The following DOT1L variants were observed in gnomAD, a reference collection of about 807,000 sequenced individuals.
DOT1L encodes histone-lysine N-methyltransferase, H3 lysine-79 specific.
In DOT1L, 33 loss-of-function variants were observed where a neutral mutation model predicts 153.3. That is an observed-to-expected ratio of 0.22 (90% CI 0.16 to 0.29). DOT1L has a LOEUF of 0.29. DOT1L is among the 10% of genes least tolerant of loss of function. The pLI is 1.00. For missense variants in DOT1L, 1,847 were observed against 2,119.9 expected, an observed-to-expected ratio of 0.87 and a Z score of 2.53; for synonymous variants, 1,135 against 965.1, an observed-to-expected ratio of 1.18 and a Z score of -3.26.
In DOT1L at chr19:2,210,440, G is replaced by A; in HGVS notation, c.1046G>A (p.Ser349Asn). ...EAARRRQQRESKSNAATPTKG... is the reference protein window; with the variant it reads ...EAARRRQQRENKSNAATPTKG... ...GCCCGGCGCCGCCAGCAGCGCGAGA[G>A]CAAGAGCAACGCGGCCACGCCCACT... is the stretch of plus-strand genomic sequence containing the variant. The change falls in exon 13 of 28, where the codon AGC (serine) becomes AAC (asparagine). Residue 349 changes from serine (S) to asparagine (N), a missense_variant. Physicochemically the swap from Ser to Asn is conservative, Grantham distance 46. This residue lies in a region of DOT1L where 205 missense variants were observed against 203.1 expected (regional missense o/e 1.01). Transcript: ENST00000398665. The A allele has an allele frequency of 6.4e-7, 1 of 1,572,040 alleles. No individual in the cohort carries two copies. Among genetic ancestry groups the A allele is most frequent in the Non-Finnish European group, 8.6e-7 (1 of 1,162,476 alleles).
intron 27 of DOT1L, chr19:2,229,277 G>A (rs929452806): frequency 1.0e-6 from 1 of 985,472 alleles, no homozygotes; most frequent in Non-Finnish European, 1.2e-6. Context: ...GGGACATGGC[G>A]TGCCTGGCGG....
chr19:2,172,937 A>G (rs1364601514), intron 1 of DOT1L, among the ~76,000 whole-genome samples: 2 of 151,304 alleles, frequency 1.3e-5, no homozygotes, highest in African/African-American at 2.4e-5. Context: ...AGATCGTGCC[A>G]CTGCACTCCA....
At chr19:2,183,668 C>G (rs1026643298) in intron 2 of DOT1L, among the ~76,000 whole-genome samples, 1 of 151,628 alleles carries the variant, frequency 6.6e-6, no homozygotes, top group Non-Finnish European at 1.5e-5. Flanking sequence ...ACTCTGTTGC[C>G]CGGGCTGGAG....
intron 18 of DOT1L, 31 bp from the exon 19 acceptor site, chr19:2,214,440 A>G (rs1206717389): frequency 6.2e-7 from 1 of 1,607,268 alleles, no homozygotes; most frequent in Non-Finnish European, 8.5e-7. Context: ...GCAGCCAGCC[A>G]GTCGCAACTG....
rs757573872 is a variant in DOT1L, at chr19:2,213,574, G to C, written c.1593G>C (p.Gln531His). The C allele has an allele frequency of 3.1e-6, 5 of 1,613,444 alleles. No individual in the cohort carries two copies. The South Asian group carries it at 5.5e-5, about 18-fold the overall frequency. Residue 531 changes from glutamine (Q) to histidine (H), a missense_variant, in exon 17 of 28, where the codon CAG (glutamine) becomes CAC (histidine). This residue lies in a region of DOT1L where 156 missense variants were observed against 235.7 expected (regional missense o/e 0.66). Coordinates refer to ENST00000398665, the MANE Select transcript of DOT1L (RefSeq NM_032482.3). ...KNAQLLGAAQQLLSHCQAQKE... is the reference protein window; with the variant it reads ...KNAQLLGAAQHLLSHCQAQKE... ...CCCAGCTCCTGGGTGCGGCTCAGCA[G>C]CTCCTCAGCCACTGCCAGGCCCAGA...
intron 7 of DOT1L, among the ~76,000 whole-genome samples, chr19:2,198,438 C>T (rs188857356): frequency 9.9e-4 from 151 of 152,330 alleles, no homozygotes; most frequent in African/African-American, 3.5e-3. Flanking sequence ...GGGCGGGTGG[C>T]CCTGCCCTCT....
intron 1 of DOT1L, among the ~76,000 whole-genome samples, chr19:2,179,825 C>T (rs888516994): frequency 1.3e-5 from 2 of 152,192 alleles, no homozygotes; most frequent in African/African-American, 2.4e-5. Context: ...CATGGGCTCT[C>T]GCTGTTTCCC....
intron 7 of DOT1L, among the ~76,000 whole-genome samples, chr19:2,198,106 G>A (rs1225123808): frequency 6.6e-6 from 1 of 152,190 alleles, no homozygotes. Flanking sequence ...GAACAGCTTC[G>A]GCCCCAGAGC....
chr19:2,216,079 C>A, intron 19 of DOT1L: 1 of 624,336 alleles, frequency 1.6e-6, no homozygotes, highest in Non-Finnish European at 2.6e-6. Context: ...TCAGCAAAAA[C>A]CATCCTCGGC....
chr19:2,216,442 C>G lies in DOT1L; in HGVS notation c.2085C>G (p.Asp695Glu), dbSNP rs1047331431. Reference protein sequence around the residue: ...PDASRLHLELDCTKFSLPHLS... With the variant: ...PDASRLHLELECTKFSLPHLS... Reference sequence around the variant, plus strand: ...CCAGCCGGCTGCACCTGGAGCTGGACTGCACCAAGTTCTCGCTGCCTCACT... The same window carrying G: ...CCAGCCGGCTGCACCTGGAGCTGGAGTGCACCAAGTTCTCGCTGCCTCACT... Residue 695 changes from aspartate (D) to glutamate (E), a missense_variant, in exon 20 of 28, where the codon GAC (aspartate) becomes GAG (glutamate). Around this residue, in one of 8 missense-constraint regions of DOT1L, gnomAD observed 281 missense variants for 263.6 expected, o/e 1.07. Coordinates refer to ENST00000398665, the MANE Select transcript of DOT1L (RefSeq NM_032482.3). 3 of 1,612,578 alleles carry G rather than the reference C, an allele frequency of 1.9e-6. No individual in the cohort carries two copies. In the South Asian group the frequency reaches 3.3e-5, roughly 18 times the overall value.
At chr19:2,189,682 T>G (rs1414115140) in intron 3 of DOT1L, 50 bp from the exon 4 acceptor site, 1 of 1,599,750 alleles carries the variant, frequency 6.3e-7, no homozygotes, top group Non-Finnish European at 8.5e-7. Context: ...CTCCCATGCA[T>G]GCGGCTGGCT....
chr19:2,179,777 A>G (rs1372787860), intron 1 of DOT1L, among the ~76,000 whole-genome samples: 4 of 152,088 alleles, frequency 2.6e-5, no homozygotes, highest in Non-Finnish European at 4.4e-5. Context: ...ACTTCACTCC[A>G]GCCTGGGCGA....
At chr19:2,177,403 TCTC>T (rs913113747) in intron 1 of DOT1L, among the ~76,000 whole-genome samples, 2 of 151,796 alleles carry the variant, frequency 1.3e-5, no homozygotes, top group African/African-American at 4.8e-5. Flanking sequence ...TTCAAGCAAG[TCTC>T]CTCTCTCAGC....
In DOT1L at chr19:2,226,659, A is replaced by C; in HGVS notation, c.4138A>C (p.Lys1380Gln). 1.3e-6 allele frequency: 2 copies of C among 1,582,146 alleles called. No homozygotes were observed. Among genetic ancestry groups the C allele is most frequent in the Non-Finnish European group, 1.7e-6 (2 of 1,167,956 alleles). Residue 1380 changes from lysine (K) to glutamine (Q), a missense_variant, in exon 27 of 28, where the codon AAG becomes CAG. Lys to Gln is a moderately conservative substitution (Grantham distance 53). Around this residue, in one of 8 missense-constraint regions of DOT1L, gnomAD observed 934 missense variants for 825.3 expected, o/e 1.13. Transcript: ENST00000398665. ...GCAGCTGGACGGCCTGGCTGGGCTG[A>C]AGGGCGAGGGCAGCCGCGGCAAGGA... ...KRQLDGLAGL[K>Q]GEGSRGKEAG...
chr19:2,172,882 C>T (rs1233091545), intron 1 of DOT1L, among the ~76,000 whole-genome samples: 1 of 151,294 alleles, frequency 6.6e-6, no homozygotes, highest in African/African-American at 2.4e-5. Context: ...TTAGGCTGGA[C>T]GTGAGAATGG....
rs2024142272 is a variant in DOT1L at position 2,222,164 on chromosome 19, C to T, written c.2995C>T (p.Pro999Ser). 1.9e-6 allele frequency: 3 copies of T among 1,612,992 alleles called. No individual in the cohort carries two copies. In the African/African-American group the frequency reaches 4.0e-5, roughly 22 times the overall value. ...LLLAQPRNSL[P>S]ASPAHQLSSS... ...GCTGGCACAGCCCCGGAACTCGCTT[C>T]CTGCCTCTCCCGCCCACCAGCTCTC... is the stretch of plus-strand genomic sequence containing the variant. The change falls in exon 24 of 28, where the codon CCT (proline) becomes TCT (serine). Residue 999 changes from proline (P) to serine (S), a missense_variant. Pro to Ser is a moderately conservative substitution (Grantham distance 74). Coordinates refer to ENST00000398665, the MANE Select transcript of DOT1L (RefSeq NM_032482.3). The surrounding 1 kb of genome is among the most constrained non-coding windows in gnomAD (Gnocchi z 6.5).
intron 14 of DOT1L, 108 bp from the exon 15 acceptor site, chr19:2,210,991 A>T: frequency 6.9e-7 from 1 of 1,452,658 alleles, no homozygotes; most frequent in Non-Finnish European, 9.5e-7. Context: ...CTGTGCCTTC[A>T]GGGTGGCCCC....
Position 2,222,408 on chromosome 19 carries a change from G to A in DOT1L, c.3239G>A (p.Gly1080Glu), listed in dbSNP as rs146482120. The A allele has an allele frequency of 5.0e-6, 8 of 1,611,002 alleles. No homozygotes were observed. The highest frequency in any genetic ancestry group is 1.7e-5 in the Admixed American group (1 of 59,856). ...SARGDCVPSH[G>E]QDSRRRGRRK... ...CGTGGGGACTGTGTGCCGAGCCACG[G>A]GCAGGACAGTCGCAGGCGCGGCCGG... is the stretch of plus-strand genomic sequence containing the variant. The change falls in exon 24 of 28, where the codon GGG becomes GAG. Residue 1080 changes from glycine to glutamate, a missense_variant. Physicochemically the swap from Gly to Glu is moderately conservative, Grantham distance 98. Transcript: ENST00000398665. The surrounding 1 kb of genome is among the most constrained non-coding windows in gnomAD (Gnocchi z 6.5).
chr19:2,173,755 C>T (rs1382529059), intron 1 of DOT1L, among the ~76,000 whole-genome samples: 8 of 152,164 alleles, frequency 5.3e-5, no homozygotes, highest in Non-Finnish European at 1.0e-4. Context: ...TGAACCTTCC[C>T]GGTACCTTGC....
Sources: gnomAD v4.1 joint callset for allele counts (sites outside exome capture counted in the v4.1 genomes callset) on GRCh38, gnomAD v4.1.1 for gene constraint, gnomAD v4.1.1 regional missense constraint, Gnocchi (gnomAD v3.1) non-coding constraint, MANE v1.5 for transcripts, NCBI Gene and HGNC (gene_info 2026-07-23, HGNC 2026-07-21) for gene names.